Variants in ZNF10 observed in about 807,000 individuals in gnomAD.
ZNF10 encodes zinc finger protein 10, also known as zinc finger protein 10 (KOX 1).
ZNF10 carries 8 observed loss-of-function variants against 12.2 expected under a neutral mutation model. The ratio of observed to expected loss-of-function variants is 0.66; its 90% CI spans 0.39 to 1.18. ZNF10 has a LOEUF of 1.18. Ranked by LOEUF, ZNF10 falls within the 50% of genes most tolerant of loss-of-function variation. The probability of loss-of-function intolerance (pLI) is 0.01; values close to 1 mark genes in which losing one functional copy is unlikely to be tolerated. For missense variants in ZNF10, 603 were observed against 678.9 expected, an observed-to-expected ratio of 0.89 and a Z score of 1.24; for synonymous variants, 229 against 228.2, an observed-to-expected ratio of 1.00 and a Z score of -0.03.
In ZNF10 at chr12:133,157,328, A is replaced by G. The variant is rs1956048598; in HGVS notation, c.*360A>G. 5.9e-6 allele frequency: 1 copy of G among 170,082 alleles called. No homozygotes were observed. The highest frequency in any genetic ancestry group is 6.4e-5 in the Admixed American group (1 of 15,726). The allele number at this position is 170,082 out of a possible 1,614,324, so 10.5% of individuals were successfully genotyped here. ...TACTATAGGGAGAGTTGTTGCTGAG[A>G]ATTAAGAAATGATACAGTTAATGCA... On this transcript the variant is annotated 3_prime_UTR_variant, in exon 5 of 5. Transcript: ENST00000248211.
At chr12:133,153,450 C>T (rs915486869) in intron 4 of ZNF10, among the ~76,000 whole-genome samples, 1 of 152,152 alleles carries the variant, frequency 6.6e-6, no homozygotes, top group Non-Finnish European at 1.5e-5. Flanking sequence ...CATAAGTGCT[C>T]AGCACCCCCC....
intron 1 of ZNF10, among the ~76,000 whole-genome samples, chr12:133,136,726 C>T (rs551872479): frequency 6.6e-6 from 1 of 152,112 alleles, no homozygotes; most frequent in South Asian, 2.1e-4. Flanking sequence ...CCTTAGACTC[C>T]TTTATTCATG....
intron 2 of ZNF10, among the ~76,000 whole-genome samples, chr12:133,147,225 G>A (rs959980937): frequency 6.6e-6 from 1 of 152,120 alleles, no homozygotes; most frequent in African/African-American, 2.4e-5. Flanking sequence ...TTATACATTT[G>A]CATACAGGTT....
chr12:133,139,706 A>G (rs1305950866), intron 1 of ZNF10, among the ~76,000 whole-genome samples: 3 of 152,102 alleles, frequency 2.0e-5, no homozygotes, highest in Non-Finnish European at 2.9e-5. Context: ...GGGGGAATTT[A>G]TAGGTTGTGG....
chr12:133,155,228 C>T (rs1158152485), intron 4 of ZNF10, among the ~76,000 whole-genome samples: 3 of 152,046 alleles, frequency 2.0e-5, no homozygotes, highest in Admixed American at 6.6e-5. Context: ...TATGGAATTT[C>T]CCTTATTTCT....
intron 2 of ZNF10, 180 bp from the exon 3 acceptor site, chr12:133,150,848 A>G (rs1388449746): frequency 2.5e-5 from 14 of 549,048 alleles, no homozygotes; most frequent in Middle Eastern, 6.8e-4. Flanking sequence ...TAGGTACCTA[A>G]TAGCCATTCC....
At chr12:133,149,898 T>C (rs1220312809) in intron 2 of ZNF10, among the ~76,000 whole-genome samples, 1 of 152,206 alleles carries the variant, frequency 6.6e-6, no homozygotes, top group East Asian at 1.9e-4. Flanking sequence ...TTTTAATACT[T>C]GCTGTAGGGA....
rs1393481896 is a variant in ZNF10 at position 133,159,017 on chromosome 12, T to C, written c.*2049T>C. The C allele has an allele frequency of 6.6e-6, 1 of 152,234 alleles. No individual in the cohort carries two copies. Among genetic ancestry groups the C allele is most frequent in the Non-Finnish European group, 1.5e-5 (1 of 68,050 alleles). The allele number at this position is 152,234 out of a possible 1,614,324, so 9.4% of individuals were successfully genotyped here. On this transcript the variant is annotated 3_prime_UTR_variant, in exon 5 of 5. Coordinates refer to ENST00000248211, the MANE Select transcript of ZNF10 (RefSeq NM_015394.5). ...AGTAGAATAGTCACTTAACTGGGGCTCTTAACATTGCTAATAACCTGTGGC... is the reference window on the plus strand; with the variant it reads ...AGTAGAATAGTCACTTAACTGGGGCCCTTAACATTGCTAATAACCTGTGGC...
chr12:133,131,478 A>G (rs779673106), intron 1 of ZNF10, among the ~76,000 whole-genome samples: 1 of 151,994 alleles, frequency 6.6e-6, no homozygotes, highest in Non-Finnish European at 1.5e-5. Flanking sequence ...AGATACTGTT[A>G]ATTAAAAAAA....
chr12:133,154,406 C>T (rs541766019), intron 4 of ZNF10, among the ~76,000 whole-genome samples: 14 of 151,814 alleles, frequency 9.2e-5, no homozygotes, highest in East Asian at 5.8e-4. Flanking sequence ...TGTTTCAGAG[C>T]GAAGAAATCA....
chr12:133,135,177 G>A (rs1030412420), intron 1 of ZNF10, among the ~76,000 whole-genome samples: 4 of 152,138 alleles, frequency 2.6e-5, no homozygotes, highest in Admixed American at 6.6e-5. Flanking sequence ...CTTAGTGTGC[G>A]CATATAGAAT....
At chr12:133,139,015 G>A (rs1396593755) in intron 1 of ZNF10, among the ~76,000 whole-genome samples, 2 of 152,156 alleles carry the variant, frequency 1.3e-5, no homozygotes, top group East Asian at 3.9e-4. Flanking sequence ...TGCCTTTATT[G>A]TCAGCTAAAA....
chr12:133,144,411 T>G (rs1955963861), intron 1 of ZNF10, 23 bp from the exon 2 acceptor site: 4 of 1,490,050 alleles, frequency 2.7e-6, no homozygotes, highest in East Asian at 2.3e-5. Flanking sequence ...CAAACTTAAC[T>G]TATGTTTCTT....
chr12:133,141,580 T>C (rs2135459638), intron 1 of ZNF10, among the ~76,000 whole-genome samples: 1 of 152,178 alleles, frequency 6.6e-6, no homozygotes, highest in Non-Finnish European at 1.5e-5. Flanking sequence ...AACAGAAGAT[T>C]AGATTTCCAG....
In ZNF10 at chr12:133,156,189, C is replaced by T; in HGVS notation, c.943C>T (p.His315Tyr). The T allele has an allele frequency of 6.2e-7, 1 of 1,613,892 alleles. No individual in the cohort carries two copies. Among genetic ancestry groups the T allele is most frequent in the Non-Finnish European group, 8.5e-7 (1 of 1,180,018 alleles). The change falls in exon 5 of 5, where the codon CAT becomes TAT. Residue 315 changes from histidine to tyrosine, a missense_variant. Physicochemically the swap from His to Tyr is moderately conservative, Grantham distance 83 (BLOSUM62 2). Transcript: ENST00000248211. ...SSHLIGHQKT[H>Y]TGEEPYECKE... Reference sequence around the variant, plus strand: ...TCACCTCATTGGACATCAAAAGACCCATACTGGTGAGGAACCCTATGAATG... The same window carrying T: ...TCACCTCATTGGACATCAAAAGACCTATACTGGTGAGGAACCCTATGAATG...
In ZNF10 at chr12:133,151,790, T is replaced by C; in HGVS notation, c.161-19T>C. 1 of 1,604,990 alleles carries C rather than the reference T, an allele frequency of 6.2e-7. No individual in the cohort carries two copies. Among genetic ancestry groups the C allele is most frequent in the Admixed American group, 1.7e-5 (1 of 59,912 alleles). The stretch of plus-strand genomic sequence containing the variant: ...CTCCCCTGACTCTTACCCTGTTCTT[T>C]GTCTTTCACTGTGAACAGGTTATCA... On this transcript the variant is annotated intron_variant, in intron 3 of 4. Coordinates refer to ENST00000248211, the MANE Select transcript of ZNF10 (RefSeq NM_015394.5).
chr12:133,156,071 C>T lies in ZNF10; in HGVS notation c.825C>T (p.Ser275=). The change falls in exon 5 of 5, where the codon AGC becomes AGT. Residue 275 remains serine (S), a synonymous_variant. Transcript: ENST00000248211. The stretch of plus-strand genomic sequence containing the variant: ...GTAAGGAATGTGGAAAATTCTTCAG[C>T]TGGCGCTCTAATCTTACTAGGCATC... ...YECKECGKFF[S]WRSNLTRHQL... 1 of 1,613,364 alleles carries T rather than the reference C, an allele frequency of 6.2e-7. No homozygotes were observed. Among genetic ancestry groups the T allele is most frequent in the African/African-American group, 1.3e-5 (1 of 75,032 alleles).
rs1956040086 is a variant in ZNF10 at position 133,156,193 on chromosome 12, C to T, written c.947C>T (p.Thr316Ile). 1 of 1,613,958 alleles carries T rather than the reference C, an allele frequency of 6.2e-7. No individual in the cohort carries two copies. The highest frequency in any genetic ancestry group is 1.1e-5 in the South Asian group (1 of 91,080). ...CTCATTGGACATCAAAAGACCCATA[C>T]TGGTGAGGAACCCTATGAATGTAAA... ...SHLIGHQKTHTGEEPYECKEC... is the reference protein window; with the variant it reads ...SHLIGHQKTHIGEEPYECKEC... Residue 316 changes from threonine to isoleucine, a missense_variant, in exon 5 of 5, where the codon ACT becomes ATT. Thr to Ile is a moderately conservative substitution (Grantham distance 89, BLOSUM62 -1). Coordinates refer to ENST00000248211, the MANE Select transcript of ZNF10 (RefSeq NM_015394.5).
chr12:133,156,110 T>C lies in ZNF10; in HGVS notation c.864T>C (p.Thr288=). The C allele has an allele frequency of 2.5e-6, 4 of 1,613,460 alleles. No individual in the cohort carries two copies. The highest frequency in any genetic ancestry group is 3.4e-6 in the Non-Finnish European group (4 of 1,180,014). The change falls in exon 5 of 5, where the codon ACT becomes ACC. Residue 288 remains threonine, a synonymous_variant. Transcript: ENST00000248211. ...TTACTAGGCATCAGCTTATTCATACTGGAGAAAAACCCTATGAGTGTAAAG... is the reference window on the plus strand; with the variant it reads ...TTACTAGGCATCAGCTTATTCATACCGGAGAAAAACCCTATGAGTGTAAAG... The part of the protein sequence containing the change: ...SNLTRHQLIH[T]GEKPYECKEC...
Sources: gnomAD v4.1 joint callset for allele counts (sites outside exome capture counted in the v4.1 genomes callset) on GRCh38, gnomAD v4.1.1 for gene constraint, MANE v1.5 for transcripts, NCBI Gene and HGNC (gene_info 2026-07-23, HGNC 2026-07-21) for gene names.